The following NRXN3 variants were observed in gnomAD, a reference collection of about 807,000 sequenced individuals.
The protein encoded by NRXN3 is neurexin 3, also known as neurexin III.
In NRXN3, 32 loss-of-function variants were observed where a neutral mutation model predicts 137.6. The ratio of observed to expected loss-of-function variants is 0.23; its 90% CI spans 0.18 to 0.31. The LOEUF (loss-of-function observed/expected upper bound fraction) is 0.31. Among genes scored for constraint, NRXN3 ranks in the 10% least tolerant of loss-of-function variants. The probability of loss-of-function intolerance (pLI) is 1.00; values close to 1 mark genes in which losing one functional copy is unlikely to be tolerated. For synonymous variants in NRXN3, 798 were observed against 784.5 expected, an observed-to-expected ratio of 1.02 and a Z score of -0.29; for missense variants, 1,574 against 2,062.5, an observed-to-expected ratio of 0.76 and a Z score of 4.59.
At chr14:78,624,611 A>G (rs2097437346) in intron 4 of NRXN3, among the ~76,000 whole-genome samples, 1 of 152,174 alleles carries the variant, frequency 6.6e-6, no homozygotes, top group Admixed American at 6.5e-5. Flanking sequence ...AGAGAATTGC[A>G]GGACCAAGCA....
intron 15 of NRXN3, among the ~76,000 whole-genome samples, chr14:79,178,441 A>G (rs1465877727): frequency 6.6e-6 from 1 of 152,118 alleles, no homozygotes; most frequent in African/African-American, 2.4e-5. Flanking sequence ...ATTGTTAACC[A>G]CCTCACATTT....
At position 78,604,029 on chromosome 14, in the gene NRXN3, C is replaced by T. The variant is rs557298962; in HGVS notation, c.758-41091C>T. 5.3e-5 allele frequency among the ~76,000 whole-genome samples: 8 copies of T among 152,106 alleles called. No homozygotes were observed. In the South Asian group the frequency reaches 1.0e-3, roughly 20 times the overall value. On this transcript the variant is annotated intron_variant, in intron 4 of 20. Coordinates refer to ENST00000335750, the MANE Select transcript of NRXN3 (RefSeq NM_001330195.2). ...CTTGGCTAGGGAGGCCTCACAATCA[C>T]GACGGAAGATGAAGGAAGAGCAAAG...
chr14:79,826,221 G>A (rs942739159), intron 20 of NRXN3, among the ~76,000 whole-genome samples: 1 of 152,024 alleles, frequency 6.6e-6, no homozygotes, highest in African/African-American at 2.4e-5. Flanking sequence ...TCAAACTCCT[G>A]GCCTCAGGTG....
chr14:78,798,726 A>G (rs979675045), intron 8 of NRXN3, among the ~76,000 whole-genome samples: 1 of 152,138 alleles, frequency 6.6e-6, no homozygotes, highest in African/African-American at 2.4e-5. Flanking sequence ...AGGCATTTCC[A>G]TACATCCTCT....
At chr14:78,599,363 G>T (rs913826193) in intron 4 of NRXN3, among the ~76,000 whole-genome samples, 2 of 152,222 alleles carry the variant, frequency 1.3e-5, no homozygotes, top group Admixed American at 6.5e-5. Flanking sequence ...ATAGCGTGTT[G>T]CATTTCTTCC....
chr14:78,202,768 A>G (rs1054399287), intron 1 of NRXN3, among the ~76,000 whole-genome samples: 5 of 152,216 alleles, frequency 3.3e-5, no homozygotes, highest in African/African-American at 9.6e-5. Context: ...CAAGGGCAAG[A>G]CAGGAAAAGG....
intron 11 of NRXN3, among the ~76,000 whole-genome samples, chr14:78,961,030 T>G (rs80310684): frequency 6.8e-6 from 1 of 146,368 alleles, no homozygotes; most frequent in Non-Finnish European, 1.5e-5. Context: ...TTTTTTTTTT[T>G]GGTTCCAGAA....
intron 16 of NRXN3, among the ~76,000 whole-genome samples, chr14:79,473,706 T>C (rs2096534933): frequency 6.6e-6 from 1 of 152,218 alleles, no homozygotes; most frequent in Non-Finnish European, 1.5e-5. Context: ...CATGGAGTGC[T>C]GTGCACTGCA....
chr14:79,690,980 A>C (rs1261053856), intron 17 of NRXN3, among the ~76,000 whole-genome samples: 1 of 152,088 alleles, frequency 6.6e-6, no homozygotes, highest in East Asian at 1.9e-4. Context: ...GAGTTCCCCA[A>C]GTTGCAATAT....
At chr14:78,691,265 C>T (rs1441444484) in intron 6 of NRXN3, among the ~76,000 whole-genome samples, 1 of 152,032 alleles carries the variant, frequency 6.6e-6, no homozygotes, top group Non-Finnish European at 1.5e-5. Context: ...TAGGAAGCAA[C>T]TAAGTTAAAA....
At chr14:79,598,774 C>T (rs1432930706) in intron 16 of NRXN3, among the ~76,000 whole-genome samples, 1 of 152,164 alleles carries the variant, frequency 6.6e-6, no homozygotes, top group East Asian at 1.9e-4. Context: ...GAACACATCT[C>T]TTGGTGCTTT....
At chr14:78,803,573 C>T (rs751328291) in intron 8 of NRXN3, 47 bp from the exon 9 acceptor site, 2 of 1,580,254 alleles carry the variant, frequency 1.3e-6, no homozygotes, top group East Asian at 4.5e-5. Flanking sequence ...TATTTGGCAA[C>T]TGTGACATCC....
intron 15 of NRXN3, among the ~76,000 whole-genome samples, chr14:79,068,148 G>T (rs981129280): frequency 1.3e-5 from 2 of 151,916 alleles, no homozygotes; most frequent in Non-Finnish European, 2.9e-5. Flanking sequence ...TCTTGTATTT[G>T]TCTCTAGTTT....
chr14:78,454,769 G>A lies in NRXN3; in HGVS notation c.757+156909G>A, dbSNP rs574733716. ...TTGACTTATCCAGGCAAGGAGGGAAGAGAAGAGTGTGTCTGGCAGAGGGAA... is the reference window on the plus strand; with the variant it reads ...TTGACTTATCCAGGCAAGGAGGGAAAAGAAGAGTGTGTCTGGCAGAGGGAA... On this transcript the variant is annotated intron_variant, in intron 4 of 20. Transcript: ENST00000335750. 5.3e-5 allele frequency among the ~76,000 whole-genome samples: 8 copies of A among 152,336 alleles called. No individual in the cohort carries two copies. The South Asian group carries it at 1.7e-3, about 32-fold the overall frequency.
chr14:79,500,251 A>G (rs961240971), intron 16 of NRXN3, among the ~76,000 whole-genome samples: 2 of 142,526 alleles, frequency 1.4e-5, no homozygotes, highest in Non-Finnish European at 3.0e-5. Context: ...AAAAAAAAAA[A>G]AAAAACCCAT....
chr14:79,326,078 A>G (rs780315294), intron 15 of NRXN3, among the ~76,000 whole-genome samples: 1 of 152,142 alleles, frequency 6.6e-6, no homozygotes, highest in Non-Finnish European at 1.5e-5. Flanking sequence ...GTCTATTTGC[A>G]TTGATATTTA....
intron 16 of NRXN3, among the ~76,000 whole-genome samples, chr14:79,563,520 GT>G (rs1197561653): frequency 6.6e-6 from 1 of 152,068 alleles, no homozygotes; most frequent in Non-Finnish European, 1.5e-5. Context: ...CTTTGAGAAT[GT>G]GACCATAAAA....
At chr14:78,191,915 G>T (rs575473890) in intron 1 of NRXN3, among the ~76,000 whole-genome samples, 16 of 152,198 alleles carry the variant, frequency 1.1e-4, no homozygotes, top group African/African-American at 3.4e-4. Context: ...GCCCTGGTGA[G>T]GGGGGGAGGG....
chr14:79,716,052 C>T (rs1311643200), intron 19 of NRXN3, among the ~76,000 whole-genome samples: 1 of 152,170 alleles, frequency 6.6e-6, no homozygotes, highest in African/African-American at 2.4e-5. Context: ...GAGTGAGCCT[C>T]CCATTATTAT....
Sources: allele counts gnomAD v4.1 joint callset (sites outside exome capture counted in the v4.1 genomes callset), GRCh38; gene constraint gnomAD v4.1.1; transcripts MANE v1.5; gene names NCBI Gene and HGNC (gene_info 2026-07-23, HGNC 2026-07-21).